Variants in MED13L observed in about 807,000 individuals in gnomAD.
The protein encoded by MED13L is mediator of RNA polymerase II transcription subunit 13-like.
A neutral mutation model predicts 220.9 loss-of-function variants in MED13L; 7 were observed. The ratio of observed to expected loss-of-function variants is 0.03; its 90% CI spans 0.02 to 0.06. The LOEUF is 0.06. Ranked by LOEUF, MED13L falls within the 10% of genes least tolerant of loss-of-function variation. The pLI, the probability that MED13L is intolerant of heterozygous loss-of-function variation, is 1.00. For missense variants in MED13L, 1,965 were observed against 2,760.5 expected (o/e 0.71, Z 6.46); for synonymous variants, 1,011 against 1,015.2 (o/e 1.00, Z 0.08).
intron 2 of MED13L, among the ~76,000 whole-genome samples, chr12:116,198,348 T>C (rs1324414264): frequency 3.3e-5 from 5 of 152,098 alleles, no homozygotes; most frequent in South Asian, 2.1e-4. Flanking sequence ...TCACATACTT[T>C]AAAAAAAATT....
intron 2 of MED13L, among the ~76,000 whole-genome samples, chr12:116,124,140 G>C (rs908705186): frequency 6.7e-6 from 1 of 148,866 alleles, no homozygotes; most frequent in Non-Finnish European, 1.5e-5. Flanking sequence ...GAGAGAGAGA[G>C]AGAGAGAGAG....
intron 16 of MED13L, among the ~76,000 whole-genome samples, chr12:115,994,472 AAAAC>A (rs1215460932): frequency 6.6e-6 from 1 of 151,978 alleles, no homozygotes; most frequent in African/African-American, 2.4e-5. Flanking sequence ...CCAAAAAACA[AAAAC>A]AAAAACAAAA....
intron 2 of MED13L, among the ~76,000 whole-genome samples, chr12:116,129,473 C>A (rs77262010): frequency 6.6e-6 from 1 of 152,246 alleles, no homozygotes; most frequent in East Asian, 1.9e-4. Context: ...CATTTTGCCC[C>A]TTTGGAGGTG....
intron 1 of MED13L, among the ~76,000 whole-genome samples, chr12:116,266,386 G>A (rs1383526785): frequency 1.3e-5 from 2 of 152,302 alleles, no homozygotes; most frequent in South Asian, 4.1e-4. Flanking sequence ...GCAGCAGTGG[G>A]TGCCCACAAG....
intron 2 of MED13L, among the ~76,000 whole-genome samples, chr12:116,197,333 G>A (rs1881696939): frequency 6.6e-6 from 1 of 152,072 alleles, no homozygotes; most frequent in Admixed American, 6.6e-5. Flanking sequence ...TAGGACTCTG[G>A]CCCACTGCCA....
At chr12:116,023,678 CATT>C (rs1414499020) in intron 4 of MED13L, among the ~76,000 whole-genome samples, 1 of 152,128 alleles carries the variant, frequency 6.6e-6, no homozygotes, top group Non-Finnish European at 1.5e-5. Flanking sequence ...GTTTAGATAA[CATT>C]TTTTGTTTTA....
chr12:116,147,830 T>A (rs1357889709), intron 2 of MED13L, among the ~76,000 whole-genome samples: 1 of 151,958 alleles, frequency 6.6e-6, no homozygotes, highest in East Asian at 1.9e-4. Flanking sequence ...AAACTACCCA[T>A]AATATTATTG....
rs36066243 is a variant in MED13L at position 116,103,999 on chromosome 12, C to CTTTTTTTTT, written c.396-7256_396-7248dup. On this transcript the variant is annotated intron_variant, in intron 3 of 30. Transcript: ENST00000281928. ...CACCACCACATCCAAGGACATTGCTCTTTTTTTTTTTTTTTTTTTTTTTTT... is the reference window on the plus strand; with the variant it reads ...CACCACCACATCCAAGGACATTGCTCTTTTTTTTTTTTTTTTTTTTTTTTTTTTTTTTTT... 1.6e-3 allele frequency among the ~76,000 whole-genome samples: 91 copies of CTTTTTTTTT among 57,466 alleles called. 8 individuals carry two copies. Among genetic ancestry groups the CTTTTTTTTT allele is most frequent in the South Asian group, 3.0e-3 (3 of 998 alleles). 37.7% of individuals were successfully genotyped at this position (57,466 alleles called of 152,430 possible). A position where few individuals can be genotyped will look rare whatever the true frequency, so the allele number is the denominator to read the frequency against.
At chr12:116,081,914 C>T (rs1193383983) in intron 4 of MED13L, among the ~76,000 whole-genome samples, 1 of 152,206 alleles carries the variant, frequency 6.6e-6, no homozygotes, top group South Asian at 2.1e-4. Flanking sequence ...GAAAAATACA[C>T]AATAGACTTG....
rs147723450 is a variant in MED13L at position 116,151,620 on chromosome 12, G to A, written c.311-40108C>T. Among the ~76,000 whole-genome samples the A allele has an allele frequency of 2.8e-3, 432 of 152,288 alleles. 1 individual carries two copies. The highest frequency in any genetic ancestry group is 1.0e-2 in the African/African-American group (414 of 41,560). On this transcript the variant is annotated intron_variant, in intron 2 of 30. Transcript: ENST00000281928. The stretch of plus-strand genomic sequence containing the variant: ...CACATTACAATGGACCTAAAGGCAG[G>A]AATAAATCTACAGCAAGTTTTGGAA...
Position 116,060,973 on chromosome 12 carries a change from T to C in MED13L, c.479+35696A>G, listed in dbSNP as rs79196801. Reference sequence around the variant, plus strand: ...CTCAAGATGATGGCATGTGGGCATATGTGTCTTCTTTTATTTTCTATCTCC... The same window carrying C: ...CTCAAGATGATGGCATGTGGGCATACGTGTCTTCTTTTATTTTCTATCTCC... On this transcript the variant is annotated intron_variant, in intron 4 of 30. Transcript: ENST00000281928. 2.6e-3 allele frequency among the ~76,000 whole-genome samples: 396 copies of C among 152,308 alleles called. 3 individuals are homozygous for C. The highest frequency in any genetic ancestry group is 9.1e-3 in the African/African-American group (380 of 41,566).
At chr12:116,141,898 T>C (rs1877109339) in intron 2 of MED13L, among the ~76,000 whole-genome samples, 1 of 151,944 alleles carries the variant, frequency 6.6e-6, no homozygotes, top group South Asian at 2.1e-4. Flanking sequence ...TCATAAATTG[T>C]CCCCCACACC....
Position 115,991,120 on chromosome 12 carries a change from C to T in MED13L, c.3834G>A (p.Ala1278=), listed in dbSNP as rs145466664. 59 of 1,614,200 alleles carry T rather than the reference C, an allele frequency of 3.7e-5. No individual in the cohort carries two copies. Among genetic ancestry groups the T allele is most frequent in the South Asian group, 7.7e-5 (7 of 91,086 alleles). ...NNDYWTECFN[A]LEQGRQYVDN... ...CCACATACTGCCGCCCCTGCTCCAACGCATTAAAGCATTCCGTCCAGTAAT... is the reference window on the plus strand; with the variant it reads ...CCACATACTGCCGCCCCTGCTCCAATGCATTAAAGCATTCCGTCCAGTAAT... Residue 1278 remains alanine, a synonymous_variant, in exon 17 of 31, where the codon GCG becomes GCA. Transcript: ENST00000281928. This position sits in a 1 kb window ranked among gnomAD's most constrained non-coding sequence, Gnocchi z 7.7.
At chr12:116,008,347 A>AGGG in intron 10 of MED13L, 54 bp downstream of exon 10, 1 of 1,550,036 alleles carries the variant, frequency 6.5e-7, no homozygotes, top group Non-Finnish European at 8.7e-7. Context: ...AGAGATGGGG[A>AGGG]GGGAGCCCAT....
At chr12:116,013,913 G>GT (rs1484330187) in intron 8 of MED13L, among the ~76,000 whole-genome samples, 4 of 152,146 alleles carry the variant, frequency 2.6e-5, no homozygotes, top group Non-Finnish European at 5.9e-5. Context: ...TTGTGGAGGT[G>GT]TAAGGTTGAT....
At position 116,275,627 on chromosome 12, in the gene MED13L, CTAAAT is replaced by C. The variant is rs1873754352; in HGVS notation, c.72+1428_72+1432del. Reference sequence around the variant, plus strand: ...AATGTAACTAATTACAATTTGAACACTAAATTATTTATCCAGTGTAAACAAGGATT... The same window carrying C: ...AATGTAACTAATTACAATTTGAACACTATTTATCCAGTGTAAACAAGGATT... On this transcript the variant is annotated intron_variant, in intron 1 of 30. Coordinates refer to ENST00000281928, the MANE Select transcript of MED13L (RefSeq NM_015335.5). Among the ~76,000 whole-genome samples the C allele has an allele frequency of 2.6e-5, 4 of 152,120 alleles. 1 individual carries two copies. Among genetic ancestry groups the C allele is most frequent in the Admixed American group, 2.0e-4 (3 of 15,266 alleles).
At chr12:116,197,319 T>C (rs1295406060) in intron 2 of MED13L, among the ~76,000 whole-genome samples, 3 of 152,162 alleles carry the variant, frequency 2.0e-5, no homozygotes, top group Non-Finnish European at 2.9e-5. Flanking sequence ...TCTGTACATG[T>C]CAGTAGGACT....
chr12:115,998,950 T>C (rs1041960232), intron 14 of MED13L, among the ~76,000 whole-genome samples: 20 of 151,652 alleles, frequency 1.3e-4, no homozygotes, highest in African/African-American at 3.9e-4. Flanking sequence ...CCTTAAAAAT[T>C]TATAGAAGTA....
intron 2 of MED13L, among the ~76,000 whole-genome samples, chr12:116,159,870 A>T (rs1878727876): frequency 6.6e-6 from 1 of 152,202 alleles, no homozygotes; most frequent in Non-Finnish European, 1.5e-5. Flanking sequence ...AATGTGCCAC[A>T]TCCTGCTATT....
Sources: allele counts gnomAD v4.1 joint callset (sites outside exome capture counted in the v4.1 genomes callset), GRCh38; gene constraint gnomAD v4.1.1; non-coding constraint Gnocchi (gnomAD v3.1); transcripts MANE v1.5; gene names NCBI Gene and HGNC (gene_info 2026-07-23, HGNC 2026-07-21).